Variants in SP4 observed in about 807,000 individuals in gnomAD.
SP4 encodes the protein Sp4 transcription factor.
Under a neutral mutation model 72.8 loss-of-function variants are expected in SP4, and 19 were observed. That is an observed-to-expected ratio of 0.26 (90% CI 0.18 to 0.38). SP4 has a LOEUF of 0.38. Among genes scored for constraint, SP4 ranks in the 10% least tolerant of loss-of-function variants. The pLI is 1.00. For synonymous variants in SP4, 395 were observed against 333.1 expected (o/e 1.19, Z -2.02); for missense variants, 1,008 against 926.3 (o/e 1.09, Z -1.14).
At chr7:21,507,492 C>T (rs902598245) in intron 5 of SP4, among the ~76,000 whole-genome samples, 3 of 152,106 alleles carry the variant, frequency 2.0e-5, no homozygotes, top group African/African-American at 4.8e-5. Flanking sequence ...ATGATAGGGT[C>T]CCAGGGCTTT....
Position 21,461,778 on chromosome 7 carries a change from G to T in SP4, c.1679-15301G>T, listed in dbSNP as rs554988137. On this transcript the variant is annotated intron_variant, in intron 3 of 5. Transcript: ENST00000222584. ...GAGGCACCGAGAGTGAGCCAGGGCT[G>T]CCAGCACGCTGTCACCTCTCAATAG... 3.3e-5 allele frequency among the ~76,000 whole-genome samples: 5 copies of T among 152,280 alleles called. No homozygotes were observed. The East Asian group carries it at 9.7e-4, about 29-fold the overall frequency.
Position 21,430,098 on chromosome 7 carries a change from C to T in SP4, c.933C>T (p.Ala311=). ...CACCCACCAACACCACTACTTCTGC[C>T]AGTACTATGCCAGAATCTCCCTCCT... The part of the protein sequence containing the change: ...VSTPTNTTTS[A]STMPESPSSS... Residue 311 remains alanine, a synonymous_variant, in exon 3 of 6, where the codon GCC becomes GCT. Transcript: ENST00000222584. 6.2e-7 allele frequency: 1 copy of T among 1,614,180 alleles called. No individual in the cohort carries two copies. The highest frequency in any genetic ancestry group is 1.1e-5 in the South Asian group (1 of 91,080).
chr7:21,472,264 A>G (rs1013716), intron 3 of SP4, among the ~76,000 whole-genome samples: 1 of 151,916 alleles, frequency 6.6e-6, no homozygotes, highest in Admixed American at 6.6e-5. Context: ...TAGAGGGTGT[A>G]TTTTGTTTGA....
chr7:21,463,204 CT>C (rs1364922572), intron 3 of SP4, among the ~76,000 whole-genome samples: 1 of 151,390 alleles, frequency 6.6e-6, no homozygotes, highest in Non-Finnish European at 1.5e-5. Flanking sequence ...AATAAAGATA[CT>C]TTTGGGTGAC....
intron 4 of SP4, among the ~76,000 whole-genome samples, chr7:21,478,486 C>T (rs1396846475): frequency 7.1e-6 from 1 of 140,382 alleles, no homozygotes; most frequent in African/African-American, 2.6e-5. Flanking sequence ...ACATTTCCAT[C>T]AATAGGGTAT....
At chr7:21,474,710 A>G (rs559744423) in intron 3 of SP4, among the ~76,000 whole-genome samples, 2 of 152,196 alleles carry the variant, frequency 1.3e-5, no homozygotes, top group Admixed American at 6.5e-5. Context: ...CAGTGTTACT[A>G]TTTTAGAGTT....
At chr7:21,491,480 ATAC>A (rs770374933) in intron 5 of SP4, among the ~76,000 whole-genome samples, 11 of 152,164 alleles carry the variant, frequency 7.2e-5, no homozygotes, top group Non-Finnish European at 1.6e-4. Context: ...GAAAGGAAAA[ATAC>A]TGCTGTAAGA....
chr7:21,430,075 C>A lies in SP4; in HGVS notation c.910C>A (p.Pro304Thr). ...TSNGNQLVSTPTNTTTSASTM... is the reference protein window; with the variant it reads ...TSNGNQLVSTTTNTTTSASTM... ...CAATGGGAATCAATTAGTTTCCACA[C>A]CCACCAACACCACTACTTCTGCCAG... Residue 304 changes from proline (P) to threonine (T), a missense_variant, in exon 3 of 6, where the codon CCC becomes ACC. Around this residue, in one of 3 missense-constraint regions of SP4, gnomAD observed 893 missense variants for 743.3 expected, o/e 1.20. Coordinates refer to ENST00000222584, the MANE Select transcript of SP4 (RefSeq NM_003112.5). The A allele has an allele frequency of 1.9e-6, 3 of 1,614,198 alleles. No individual in the cohort carries two copies. Among genetic ancestry groups the A allele is most frequent in the Non-Finnish European group, 2.5e-6 (3 of 1,180,038 alleles).
intron 3 of SP4, among the ~76,000 whole-genome samples, chr7:21,451,624 A>G (rs548854053): frequency 6.6e-6 from 1 of 152,182 alleles, no homozygotes; most frequent in Admixed American, 6.5e-5. Context: ...CAAGGGAGAC[A>G]GGGGCAGGAT....
intron 4 of SP4, among the ~76,000 whole-genome samples, chr7:21,480,097 G>A (rs914442034): frequency 3.3e-5 from 5 of 152,030 alleles, no homozygotes; most frequent in Non-Finnish European, 7.4e-5. Context: ...CTACTCTGCA[G>A]GAGTTCTGTT....
intron 3 of SP4, among the ~76,000 whole-genome samples, chr7:21,459,393 A>G (rs1392966128): frequency 1.3e-5 from 2 of 152,152 alleles, no homozygotes; most frequent in Non-Finnish European, 2.9e-5. Flanking sequence ...TGCTGGGATT[A>G]CAGGTGTGAG....
chr7:21,478,442 T>TA (rs1270895611), intron 4 of SP4, among the ~76,000 whole-genome samples: 4 of 152,236 alleles, frequency 2.6e-5, no homozygotes, highest in African/African-American at 9.6e-5. Flanking sequence ...TTGAGGAACT[T>TA]ACCGACTGTT....
intron 5 of SP4, among the ~76,000 whole-genome samples, chr7:21,489,538 C>A (rs1583437915): frequency 8.2e-6 from 1 of 121,258 alleles, no homozygotes; most frequent in East Asian, 2.5e-4. Flanking sequence ...CCAGGCTGGT[C>A]TTTTTTTCTT....
At chr7:21,459,281 G>A (rs538803514) in intron 3 of SP4, among the ~76,000 whole-genome samples, 11 of 152,158 alleles carry the variant, frequency 7.2e-5, no homozygotes, top group Admixed American at 5.2e-4. Flanking sequence ...TACCACGCCC[G>A]GCTAACTTTT....
Position 21,512,688 on chromosome 7 carries a change from A to C in SP4, c.*1419A>C, listed in dbSNP as rs144513191. 0.022 allele frequency: 3,317 copies of C among 151,546 alleles called. 130 individuals are homozygous for C. The highest frequency in any genetic ancestry group is 0.075 in the African/African-American group (3,093 of 41,254). 9.4% of individuals were successfully genotyped at this position (151,546 alleles called of 1,614,324 possible). A position where few individuals can be genotyped will look rare whatever the true frequency, so the allele number is the denominator to read the frequency against. On this transcript the variant is annotated 3_prime_UTR_variant, in exon 6 of 6. Coordinates refer to ENST00000222584, the MANE Select transcript of SP4 (RefSeq NM_003112.5). ...GCGATTCTCCTGTCTTAGCCTCCTG[A>C]GTAGCTGGGATTAACAGGCGCCTGC...
chr7:21,504,914 G>A (rs968261145), intron 5 of SP4, among the ~76,000 whole-genome samples: 4 of 152,174 alleles, frequency 2.6e-5, no homozygotes, highest in African/African-American at 9.7e-5. Flanking sequence ...AAAAGCAACA[G>A]ATTCCCTCTT....
intron 5 of SP4, among the ~76,000 whole-genome samples, chr7:21,485,940 G>A (rs1784802071): frequency 6.6e-6 from 1 of 151,744 alleles, no homozygotes; most frequent in African/African-American, 2.4e-5. Flanking sequence ...TCAAGATCTC[G>A]TGTTTTCATT....
At chr7:21,445,558 CAT>C (rs1169499477) in intron 3 of SP4, among the ~76,000 whole-genome samples, 3 of 152,132 alleles carry the variant, frequency 2.0e-5, no homozygotes, top group Non-Finnish European at 4.4e-5. Context: ...ACAAAACAGA[CAT>C]GTTCTTTATT....
intron 3 of SP4, chr7:21,471,216 C>G (rs1483637635): frequency 4.2e-6 from 2 of 481,012 alleles, no homozygotes; most frequent in Non-Finnish European, 8.6e-6. Flanking sequence ...CTAAGAAATA[C>G]TGACCTTATT....
Sources: allele counts gnomAD v4.1 joint callset (sites outside exome capture counted in the v4.1 genomes callset), GRCh38; gene constraint gnomAD v4.1.1; regional missense constraint gnomAD v4.1.1; transcripts MANE v1.5; gene names NCBI Gene and HGNC (gene_info 2026-07-23, HGNC 2026-07-21).